Variants in SYNPR observed in about 807,000 individuals in gnomAD.
SYNPR encodes synaptoporin.
In SYNPR, 23 loss-of-function variants were observed where a neutral mutation model predicts 32.9. That is an observed-to-expected ratio of 0.70 (90% CI 0.50 to 0.99). SYNPR has a LOEUF of 0.99. SYNPR is among the 50% of genes least tolerant of loss of function. The pLI is 0.00. For synonymous variants in SYNPR, 146 were observed against 135.9 expected (o/e 1.07, Z -0.52); for missense variants, 318 against 349.3 (o/e 0.91, Z 0.71).
intron 2 of SYNPR, among the ~76,000 whole-genome samples, chr3:63,399,062 G>A (rs528294772): frequency 6.6e-6 from 1 of 152,294 alleles, no homozygotes; most frequent in South Asian, 2.1e-4. Context: ...CATTTCTTGG[G>A]CTAGGAGGCA....
intron 1 of SYNPR, among the ~76,000 whole-genome samples, chr3:63,235,898 T>C (rs2086197360): frequency 6.6e-6 from 1 of 152,102 alleles, no homozygotes; most frequent in Admixed American, 6.6e-5. Context: ...CAATTTTTCT[T>C]TTATTAATCA....
intron 3 of SYNPR, among the ~76,000 whole-genome samples, chr3:63,529,485 T>C (rs1020315462): frequency 2.0e-5 from 3 of 152,148 alleles, no homozygotes; most frequent in Admixed American, 6.6e-5. Flanking sequence ...TTGTTGGAAC[T>C]AAATGAAATC....
intron 3 of SYNPR, among the ~76,000 whole-genome samples, chr3:63,501,346 G>GTC (rs1701474800): frequency 6.6e-6 from 1 of 151,854 alleles, no homozygotes; most frequent in Non-Finnish European, 1.5e-5. Flanking sequence ...GAGAATGGTG[G>GTC]CATGCCCCTG....
chr3:63,569,017 G>C (rs1380093900), intron 4 of SYNPR, among the ~76,000 whole-genome samples: 4 of 152,200 alleles, frequency 2.6e-5, no homozygotes, highest in Non-Finnish European at 5.9e-5. Context: ...TAGATGCTTA[G>C]TAACAGTTTA....
In SYNPR at chr3:63,546,050, A is replaced by AG. The variant is rs555143813; in HGVS notation, c.210-10492dup. Among the ~76,000 whole-genome samples the AG allele has an allele frequency of 2.6e-4, 39 of 152,274 alleles. No individual in the cohort carries two copies. In the South Asian group the frequency reaches 7.9e-3, roughly 31 times the overall value. ...TTTGTTTCACAATTCACTTGGGTAG[A>AG]GTACCACAGCTCAGGGAAAGCAAAC... On this transcript the variant is annotated intron_variant, in intron 3 of 5. Transcript: ENST00000478300.
intron 2 of SYNPR, among the ~76,000 whole-genome samples, chr3:63,369,297 G>A (rs1254721646): frequency 7.2e-6 from 1 of 138,504 alleles, no homozygotes; most frequent in Non-Finnish European, 1.5e-5. Context: ...CCAGAACTCT[G>A]AGAAAATAAA....
chr3:63,446,285 T>G (rs1452909164), intron 2 of SYNPR, among the ~76,000 whole-genome samples: 1 of 152,024 alleles, frequency 6.6e-6, no homozygotes, highest in African/African-American at 2.4e-5. Flanking sequence ...ACCATGTTTT[T>G]TTTTTTTTTT....
At chr3:63,218,150 T>C in the SYNPR span, among the ~76,000 whole-genome samples, 1 of 152,072 alleles carries the variant, frequency 6.6e-6, no homozygotes, top group South Asian at 2.1e-4. Context: ...CATTAATAAA[T>C]AATAAAATAA....
At chr3:63,267,692 C>T (rs1177872889) in intron 3 of SYNPR, among the ~76,000 whole-genome samples, 1 of 152,162 alleles carries the variant, frequency 6.6e-6, no homozygotes, top group Non-Finnish European at 1.5e-5. Flanking sequence ...CTCCATTAGG[C>T]CCTGGCTGCA....
At position 63,601,551 on chromosome 3, in the gene SYNPR, C is replaced by T. The variant is rs77261281; in HGVS notation, c.409-7574C>T. On this transcript the variant is annotated intron_variant, in intron 4 of 5. Transcript: ENST00000478300. The stretch of plus-strand genomic sequence containing the variant: ...TCTGTTGTTCCCTTCCTTGTGTCCA[C>T]GTGTACTTTAATTTTTAGCTCCCAC... 2.6e-3 allele frequency among the ~76,000 whole-genome samples: 393 copies of T among 152,150 alleles called. 17 individuals carry two copies. The East Asian group carries it at 0.069, about 27-fold the overall frequency.
intron 2 of SYNPR, among the ~76,000 whole-genome samples, chr3:63,411,118 T>A (rs909606677): frequency 6.6e-6 from 1 of 152,092 alleles, no homozygotes; most frequent in Non-Finnish European, 1.5e-5. Flanking sequence ...TCCGATGCAA[T>A]GTGGAAACTG....
rs115614306 is a variant in SYNPR at position 63,597,846 on chromosome 3, G to T, written c.409-11279G>T. ...AAATAAGGAAACAATCCCATAAGTG[G>T]ATAGAACAGAAACTTGTCCTGTCTA... is the stretch of plus-strand genomic sequence containing the variant. On this transcript the variant is annotated intron_variant, in intron 4 of 5. Coordinates refer to ENST00000478300, the MANE Select transcript of SYNPR (RefSeq NM_001130003.2). 3.5e-3 allele frequency among the ~76,000 whole-genome samples: 530 copies of T among 152,304 alleles called. 4 individuals carry two copies. The highest frequency in any genetic ancestry group is 0.012 in the African/African-American group (502 of 41,572).
intron 2 of SYNPR, among the ~76,000 whole-genome samples, chr3:63,406,399 T>G (rs1346452228): frequency 6.6e-6 from 1 of 152,036 alleles, no homozygotes; most frequent in African/African-American, 2.4e-5. Context: ...TTTTTATTCA[T>G]CACTGTGCCA....
intron 3 of SYNPR, among the ~76,000 whole-genome samples, chr3:63,513,600 G>A (rs1423552190): frequency 2.0e-5 from 3 of 152,058 alleles, no homozygotes; most frequent in Non-Finnish European, 4.4e-5. Flanking sequence ...TTCACATGCT[G>A]TAACCTTTAT....
At chr3:63,416,909 A>G (rs1288916240) in intron 2 of SYNPR, among the ~76,000 whole-genome samples, 1 of 152,120 alleles carries the variant, frequency 6.6e-6, no homozygotes, top group Non-Finnish European at 1.5e-5. Flanking sequence ...TCAAGATGAG[A>G]TTTAGGTGGG....
At chr3:63,501,615 T>C (rs1701483944) in intron 3 of SYNPR, among the ~76,000 whole-genome samples, 1 of 152,122 alleles carries the variant, frequency 6.6e-6, no homozygotes, top group African/African-American at 2.4e-5. Context: ...ATAAATATGA[T>C]GAGCCTTTGC....
At chr3:63,308,077 A>G (rs1365852347) in intron 2 of SYNPR, among the ~76,000 whole-genome samples, 1 of 152,078 alleles carries the variant, frequency 6.6e-6, no homozygotes, top group South Asian at 2.1e-4. Context: ...GGTATGAATT[A>G]AATACAAGAA....
At chr3:63,498,399 T>C (rs1473464028) in intron 3 of SYNPR, among the ~76,000 whole-genome samples, 2 of 151,994 alleles carry the variant, frequency 1.3e-5, no homozygotes, top group East Asian at 3.9e-4. Context: ...CTTCATGTTG[T>C]AGTGGGAGGA....
intron 3 of SYNPR, among the ~76,000 whole-genome samples, chr3:63,520,779 TC>T (rs1423147178): frequency 1.1e-4 from 16 of 152,036 alleles, no homozygotes; most frequent in African/African-American, 3.4e-4. Flanking sequence ...TGAATCCAAG[TC>T]ATGTCTGACA....
Sources: allele counts gnomAD v4.1 joint callset (sites outside exome capture counted in the v4.1 genomes callset), GRCh38; gene constraint gnomAD v4.1.1; transcripts MANE v1.5; gene names NCBI Gene and HGNC (gene_info 2026-07-23, HGNC 2026-07-21).